Variants in NDUFA5 observed in about 807,000 individuals in gnomAD.
NDUFA5 encodes NADH dehydrogenase [ubiquinone] 1 alpha subcomplex subunit 5.
In NDUFA5, 11 loss-of-function variants were observed where a neutral mutation model predicts 19.8. The ratio of observed to expected loss-of-function variants is 0.56; its 90% CI spans 0.35 to 0.92. NDUFA5 has a LOEUF of 0.92. Among genes scored for constraint, NDUFA5 ranks in the 40% least tolerant of loss-of-function variants. The pLI is 0.01. For missense variants in NDUFA5, 109 were observed against 134.2 expected, an observed-to-expected ratio of 0.81 and a Z score of 0.93; for synonymous variants, 47 against 46.8, an observed-to-expected ratio of 1.00 and a Z score of -0.01.
the NDUFA5 span, chr7:123,599,043 T>C: frequency 6.6e-6 from 1 of 152,234 alleles, no homozygotes; most frequent in African/African-American, 2.4e-5. Context: ...TATTCTTTTC[T>C]ACTGTTTTAT....
At chr7:123,571,502 A>G in the NDUFA5 span, among the ~76,000 whole-genome samples, 1 of 152,236 alleles carries the variant, frequency 6.6e-6, no homozygotes, top group East Asian at 1.9e-4. Flanking sequence ...ACAATTTTAA[A>G]AATAGAAAAT....
At chr7:123,601,471 G>A in the NDUFA5 span, among the ~76,000 whole-genome samples, 1 of 152,144 alleles carries the variant, frequency 6.6e-6, no homozygotes, top group Admixed American at 6.6e-5. Context: ...AAGAAAAATA[G>A]TGTGTATTAA....
chr7:123,597,812 C>T, the NDUFA5 span, among the ~76,000 whole-genome samples: 1 of 151,936 alleles, frequency 6.6e-6, no homozygotes, highest in Non-Finnish European at 1.5e-5. Context: ...GCCTGGGCAA[C>T]AGAGCAAGAC....
the NDUFA5 span, chr7:123,567,097 T>C: frequency 6.6e-6 from 1 of 152,342 alleles, no homozygotes; most frequent in Non-Finnish European, 1.5e-5. Context: ...AGGTACTGCA[T>C]AATTAAGTTT....
upstream of NDUFA5, among the ~76,000 whole-genome samples, chr7:123,559,590 C>T (rs1034624372): frequency 6.6e-6 from 1 of 152,086 alleles, no homozygotes; most frequent in Non-Finnish European, 1.5e-5. Context: ...GGCCTGGTGG[C>T]TCATGCCTGT....
chr7:123,560,090 A>T (rs968108430), upstream of NDUFA5, among the ~76,000 whole-genome samples: 3 of 152,160 alleles, frequency 2.0e-5, no homozygotes, highest in African/African-American at 7.2e-5. Flanking sequence ...AAACTATATG[A>T]TAATTTTAAT....
At chr7:123,550,397 A>T in intron 3 of NDUFA5, 73 bp downstream of exon 3, 1 of 806,374 alleles carries the variant, frequency 1.2e-6, no homozygotes, top group Non-Finnish European at 2.1e-6. Context: ...TGTGTCGAAT[A>T]TATAAAAAAT....
chr7:123,574,678 T>G, the NDUFA5 span, among the ~76,000 whole-genome samples: 8 of 152,154 alleles, frequency 5.3e-5, no homozygotes, highest in Admixed American at 5.2e-4. Flanking sequence ...CCAATTCCAT[T>G]TCTCCATCTC....
chr7:123,561,494 G>C (rs1329163598), upstream of NDUFA5, among the ~76,000 whole-genome samples: 1 of 152,096 alleles, frequency 6.6e-6, no homozygotes, highest in Non-Finnish European at 1.5e-5. Context: ...CCTCACATTT[G>C]CAATGGCTTT....
chr7:123,583,725 T>C, the NDUFA5 span, among the ~76,000 whole-genome samples: 2 of 151,930 alleles, frequency 1.3e-5, no homozygotes, highest in African/African-American at 4.8e-5. Flanking sequence ...TTCTGATCCT[T>C]AAGCATAAGA....
At chr7:123,568,389 G>A in the NDUFA5 span, among the ~76,000 whole-genome samples, 3 of 151,788 alleles carry the variant, frequency 2.0e-5, no homozygotes, top group African/African-American at 7.3e-5. Flanking sequence ...GCATGGTGGC[G>A]CATGCTTGTA....
Position 123,539,788 on chromosome 7 carries a change from C to T in NDUFA5, c.*2331G>A, listed in dbSNP as rs919711237. 1.3e-5 allele frequency: 2 copies of T among 152,196 alleles called. No individual in the cohort carries two copies. Among genetic ancestry groups the T allele is most frequent in the Admixed American group, 6.5e-5 (1 of 15,274 alleles). 9.4% of individuals were successfully genotyped at this position (152,196 alleles called of 1,614,324 possible). A position where few individuals can be genotyped will look rare whatever the true frequency, so the allele number is the denominator to read the frequency against. ...ACATAATCTGCCTATAACCTATATG[C>T]AGCTCTTTGCAGAAAATGAAATCGT... On this transcript the variant is annotated 3_prime_UTR_variant, in exon 5 of 5. Transcript: ENST00000355749.
the NDUFA5 span, among the ~76,000 whole-genome samples, chr7:123,577,844 G>A: frequency 2.0e-5 from 3 of 152,064 alleles, no homozygotes; most frequent in Non-Finnish European, 4.4e-5. Flanking sequence ...CTTTGTTTAT[G>A]AGTGTTCCTT....
the NDUFA5 span, among the ~76,000 whole-genome samples, chr7:123,596,594 A>G: frequency 1.5e-3 from 235 of 152,302 alleles, no homozygotes; most frequent in African/African-American, 5.5e-3. Flanking sequence ...GCTAAGTGAC[A>G]GAGGGAGACC....
At chr7:123,571,100 G>A in the NDUFA5 span, among the ~76,000 whole-genome samples, 1 of 152,242 alleles carries the variant, frequency 6.6e-6, no homozygotes, top group Non-Finnish European at 1.5e-5. Context: ...GTTTCCACTT[G>A]TTTTTAAGGA....
chr7:123,548,022 G>A (rs992295706), intron 3 of NDUFA5, among the ~76,000 whole-genome samples: 3 of 151,810 alleles, frequency 2.0e-5, no homozygotes, highest in African/African-American at 7.3e-5. Context: ...ATAAGTATTA[G>A]AACTAAGATG....
Position 123,540,552 on chromosome 7 carries a change from T to G in NDUFA5, c.*1567A>C, listed in dbSNP as rs1039412540. The G allele has an allele frequency of 1.3e-5, 2 of 152,164 alleles. No individual in the cohort carries two copies. The highest frequency in any genetic ancestry group is 4.8e-5 in the African/African-American group (2 of 41,414). The allele number at this position is 152,164 out of a possible 1,614,324, so 9.4% of individuals were successfully genotyped here. A position where few individuals can be genotyped will look rare whatever the true frequency, so the allele number is the denominator to read the frequency against. On this transcript the variant is annotated 3_prime_UTR_variant, in exon 5 of 5. Transcript: ENST00000355749. ...ATGTTTTAATAAATATATTATATAT[T>G]CAAGAAATGTTTAGAACTGAAAATG...
chr7:123,565,646 C>T, the NDUFA5 span, among the ~76,000 whole-genome samples: 5 of 152,228 alleles, frequency 3.3e-5, 1 homozygote, highest in Middle Eastern at 3.4e-3. Flanking sequence ...TTTGGGAAGC[C>T]GAGGCAGATG....
the NDUFA5 span, among the ~76,000 whole-genome samples, chr7:123,590,707 T>C: frequency 2.6e-5 from 4 of 152,216 alleles, no homozygotes; most frequent in Admixed American, 1.3e-4. Context: ...TGTAGCCTCA[T>C]AGTATAGTTC....
Sources: allele counts gnomAD v4.1 joint callset (sites outside exome capture counted in the v4.1 genomes callset), GRCh38; gene constraint gnomAD v4.1.1; transcripts MANE v1.5; gene names NCBI Gene and HGNC (gene_info 2026-07-23, HGNC 2026-07-21).